The following GALNTL6 variants were observed in gnomAD, a reference collection of about 807,000 sequenced individuals.
The protein encoded by GALNTL6 is polypeptide N-acetylgalactosaminyltransferase like 6.
A neutral mutation model predicts 73.7 loss-of-function variants in GALNTL6; 46 were observed. The ratio of observed to expected loss-of-function variants is 0.62; its 90% CI spans 0.49 to 0.80. The LOEUF is 0.80. Ranked by LOEUF, GALNTL6 falls within the 30% of genes least tolerant of loss-of-function variation. The pLI is 0.00. For missense variants in GALNTL6, 604 were observed against 755.0 expected (o/e 0.80, Z 2.34); for synonymous variants, 259 against 263.7 (o/e 0.98, Z 0.17).
At chr4:172,800,312 A>G (rs1330918321) in intron 5 of GALNTL6, among the ~76,000 whole-genome samples, 1 of 152,204 alleles carries the variant, frequency 6.6e-6, no homozygotes, top group Non-Finnish European at 1.5e-5. Context: ...GGTGAAATGA[A>G]GAAGTGATCT....
intron 5 of GALNTL6, among the ~76,000 whole-genome samples, chr4:172,522,677 CCA>C (rs556252406): frequency 0.32 from 25,369 of 80,532 alleles, 2,861 homozygotes; most frequent in East Asian, 0.4. Flanking sequence ...CCCCCCCCCC[CCA>C]AAAAAAAAGT....
At chr4:172,680,619 A>G (rs1732582933) in intron 5 of GALNTL6, among the ~76,000 whole-genome samples, 1 of 152,158 alleles carries the variant, frequency 6.6e-6, no homozygotes, top group Non-Finnish European at 1.5e-5. Flanking sequence ...CCTTGTAGCT[A>G]GGTGATCATG....
At chr4:172,548,184 A>G (rs1735841736) in intron 5 of GALNTL6, among the ~76,000 whole-genome samples, 1 of 151,158 alleles carries the variant, frequency 6.6e-6, no homozygotes, top group Non-Finnish European at 1.5e-5. Flanking sequence ...AAGGGTCAAA[A>G]GAATTATGTC....
chr4:171,962,860 C>G (rs115665316), intron 2 of GALNTL6, among the ~76,000 whole-genome samples: 1 of 148,070 alleles, frequency 6.8e-6, no homozygotes, highest in Admixed American at 6.9e-5. Flanking sequence ...TTGAAACCTC[C>G]GGGTTCAAGC....
intron 2 of GALNTL6, among the ~76,000 whole-genome samples, chr4:172,083,388 TA>T (rs1363509130): frequency 1.3e-5 from 2 of 152,182 alleles, no homozygotes; most frequent in African/African-American, 4.8e-5. Flanking sequence ...ACTTAAATGC[TA>T]AAGTTTTTAC....
intron 5 of GALNTL6, among the ~76,000 whole-genome samples, chr4:172,565,749 G>T (rs1323920010): frequency 8.7e-6 from 1 of 115,578 alleles, no homozygotes; most frequent in African/African-American, 2.5e-5. Flanking sequence ...TTTCTTTCTT[G>T]GGAGGTTTAT....
At chr4:172,591,642 T>A (rs1737640155) in intron 5 of GALNTL6, among the ~76,000 whole-genome samples, 1 of 152,226 alleles carries the variant, frequency 6.6e-6, no homozygotes, top group South Asian at 2.1e-4. Flanking sequence ...TAAACAGGCT[T>A]TCCTGATTGG....
intron 12 of GALNTL6, among the ~76,000 whole-genome samples, chr4:173,038,498 T>C (rs1458044933): frequency 1.3e-5 from 2 of 152,108 alleles, no homozygotes; most frequent in South Asian, 4.2e-4. Flanking sequence ...CGGGTGGAAT[T>C]AATGAAGCAA....
intron 5 of GALNTL6, among the ~76,000 whole-genome samples, chr4:172,696,681 T>C (rs1194305299): frequency 6.6e-6 from 1 of 152,154 alleles, no homozygotes; most frequent in Non-Finnish European, 1.5e-5. Context: ...CCTTTGCTGC[T>C]CCTTCATCTT....
chr4:171,909,071 C>A (rs1015562993), intron 2 of GALNTL6, among the ~76,000 whole-genome samples: 3 of 150,014 alleles, frequency 2.0e-5, no homozygotes, highest in African/African-American at 7.4e-5. Flanking sequence ...GTGCAGCGCA[C>A]CAGCATGACA....
In GALNTL6 at chr4:172,724,047, A is replaced by T. The variant is rs144850244; in HGVS notation, c.554-85314A>T. Reference sequence around the variant, plus strand: ...GGAAACCATGTGAAACACTGGAAAGATAGGTTGGCCTTGGTAAAGATCATA... The same window carrying T: ...GGAAACCATGTGAAACACTGGAAAGTTAGGTTGGCCTTGGTAAAGATCATA... On this transcript the variant is annotated intron_variant, in intron 5 of 12. Coordinates refer to ENST00000506823, the MANE Select transcript of GALNTL6 (RefSeq NM_001034845.3). Among the ~76,000 whole-genome samples, 175 of 152,292 alleles carry T rather than the reference A, an allele frequency of 1.1e-3. 1 individual carries two copies. The highest frequency in any genetic ancestry group is 0.01 in the Middle Eastern group (3 of 294).
chr4:172,777,653 T>A (rs1274169289), intron 5 of GALNTL6, among the ~76,000 whole-genome samples: 1 of 152,302 alleles, frequency 6.6e-6, no homozygotes, highest in East Asian at 1.9e-4. Context: ...TGATTTCTAG[T>A]TTAATTTTCT....
At chr4:172,113,928 A>C (rs1732921964) in intron 2 of GALNTL6, among the ~76,000 whole-genome samples, 1 of 152,116 alleles carries the variant, frequency 6.6e-6, no homozygotes, top group African/African-American at 2.4e-5. Flanking sequence ...ACAACTACTC[A>C]ATCTCTTCAA....
Position 172,526,998 on chromosome 4 carries a change from G to A in GALNTL6, c.553+178309G>A, listed in dbSNP as rs58725555. 1.6e-4 allele frequency among the ~76,000 whole-genome samples: 25 copies of A among 152,268 alleles called. No homozygotes were observed. In the East Asian group the frequency reaches 4.6e-3, roughly 28 times the overall value. On this transcript the variant is annotated intron_variant, in intron 5 of 12. Coordinates refer to ENST00000506823, the MANE Select transcript of GALNTL6 (RefSeq NM_001034845.3). Reference sequence around the variant, plus strand: ...GCCCCTGGATGATACAGTCACTAGAGACAGGGTTCATTATTTTATTTTAGT... The same window carrying A: ...GCCCCTGGATGATACAGTCACTAGAAACAGGGTTCATTATTTTATTTTAGT...
intron 3 of GALNTL6, among the ~76,000 whole-genome samples, chr4:172,274,842 A>G (rs1356142616): frequency 1.3e-5 from 2 of 152,224 alleles, no homozygotes; most frequent in African/African-American, 4.8e-5. Flanking sequence ...ATGTCAGATC[A>G]AAGGTTTCAA....
At chr4:172,413,403 T>C (rs1419656968) in intron 5 of GALNTL6, among the ~76,000 whole-genome samples, 2 of 152,204 alleles carry the variant, frequency 1.3e-5, no homozygotes, top group Non-Finnish European at 2.9e-5. Flanking sequence ...AACATAAAAA[T>C]TGGGTCTAGC....
At chr4:172,218,406 G>C (rs2110942080) in intron 2 of GALNTL6, among the ~76,000 whole-genome samples, 1 of 152,008 alleles carries the variant, frequency 6.6e-6, no homozygotes, top group South Asian at 2.1e-4. Context: ...TGATGACCTG[G>C]TATGCTTAGT....
In GALNTL6 at chr4:172,809,578, A is replaced by G; in HGVS notation, c.739+32A>G. The G allele has an allele frequency of 5.8e-6, 9 of 1,561,676 alleles. No homozygotes were observed. The highest frequency in any genetic ancestry group is 7.8e-6 in the Non-Finnish European group (9 of 1,147,340). On this transcript the variant is annotated intron_variant, in intron 6 of 12. Coordinates refer to ENST00000506823, the MANE Select transcript of GALNTL6 (RefSeq NM_001034845.3). The surrounding 1 kb of genome is among the most constrained non-coding windows in gnomAD (Gnocchi z 4.4). ...ACAGGTTGCTAAGCACCATCCTGGG[A>G]TGCCTCAGGGGAACTGAGCGGTTTG...
At chr4:172,641,476 C>T (rs1739978965) in intron 5 of GALNTL6, among the ~76,000 whole-genome samples, 1 of 152,022 alleles carries the variant, frequency 6.6e-6, no homozygotes, top group Non-Finnish European at 1.5e-5. Flanking sequence ...TAAAACACAC[C>T]AGTCATGCTC....
Sources: allele counts gnomAD v4.1 joint callset (sites outside exome capture counted in the v4.1 genomes callset), GRCh38; gene constraint gnomAD v4.1.1; non-coding constraint Gnocchi (gnomAD v3.1); transcripts MANE v1.5; gene names NCBI Gene and HGNC (gene_info 2026-07-23, HGNC 2026-07-21).